The following SLC2A13 variants were observed in gnomAD, a reference collection of about 807,000 sequenced individuals.
SLC2A13 encodes solute carrier family 2 member 13, also known as proton myo-inositol cotransporter.
In SLC2A13, 32 loss-of-function variants were observed where a neutral mutation model predicts 64.4. The observed-to-expected ratio is 0.50, with a 90% confidence interval of 0.37 to 0.67. The LOEUF (loss-of-function observed/expected upper bound fraction) is 0.67. Ranked by LOEUF, SLC2A13 falls within the 30% of genes least tolerant of loss-of-function variation. SLC2A13 has a pLI of 0.00. For synonymous variants in SLC2A13, 338 were observed against 327.1 expected (o/e 1.03, Z -0.36); for missense variants, 743 against 829.2 (o/e 0.90, Z 1.28).
intron 3 of SLC2A13, among the ~76,000 whole-genome samples, chr12:39,964,926 T>C (rs1049162957): frequency 2.0e-5 from 3 of 152,188 alleles, no homozygotes; most frequent in African/African-American, 7.2e-5. Flanking sequence ...AAGGCTGATC[T>C]ACACATTAAG....
intron 4 of SLC2A13, among the ~76,000 whole-genome samples, chr12:39,902,892 C>A (rs1229256949): frequency 6.6e-6 from 1 of 152,044 alleles, no homozygotes; most frequent in Non-Finnish European, 1.5e-5. Context: ...GAAGTCATTA[C>A]CTTATTCCTT....
At chr12:39,832,918 T>C (rs777929440) in intron 6 of SLC2A13, among the ~76,000 whole-genome samples, 2 of 152,000 alleles carry the variant, frequency 1.3e-5, no homozygotes, top group Non-Finnish European at 2.9e-5. Flanking sequence ...AGCAGATGAG[T>C]AGCTCTTCTA....
chr12:39,765,128 A>G (rs1210129906), intron 7 of SLC2A13, among the ~76,000 whole-genome samples: 1 of 152,088 alleles, frequency 6.6e-6, no homozygotes, highest in African/African-American at 2.4e-5. Flanking sequence ...TAGTCCCTGG[A>G]AGCTGCAGTA....
chr12:39,786,122 G>C (rs188742905), intron 7 of SLC2A13, among the ~76,000 whole-genome samples: 1 of 152,226 alleles, frequency 6.6e-6, no homozygotes, highest in Admixed American at 6.5e-5. Flanking sequence ...GAGGGGCCAG[G>C]GGCGGAATGA....
intron 7 of SLC2A13, among the ~76,000 whole-genome samples, chr12:39,767,437 C>T (rs958354759): frequency 3.8e-4 from 57 of 151,822 alleles, no homozygotes; most frequent in African/African-American, 1.4e-3. Flanking sequence ...TTTAGCCCTT[C>T]TTAAGGGCTC....
At chr12:39,994,892 T>C (rs950187680) in intron 3 of SLC2A13, among the ~76,000 whole-genome samples, 3 of 152,226 alleles carry the variant, frequency 2.0e-5, no homozygotes, top group Non-Finnish European at 4.4e-5. Context: ...ACAATTTTCT[T>C]ATCTATAAAA....
chr12:39,978,835 C>A (rs1489097617), intron 3 of SLC2A13, among the ~76,000 whole-genome samples: 2 of 151,826 alleles, frequency 1.3e-5, no homozygotes, highest in South Asian at 4.2e-4. Context: ...CTCAAGGAGG[C>A]CTGCCTGCCT....
At chr12:39,926,840 C>A (rs1439502728) in intron 4 of SLC2A13, among the ~76,000 whole-genome samples, 1 of 152,136 alleles carries the variant, frequency 6.6e-6, no homozygotes, top group African/African-American at 2.4e-5. Flanking sequence ...GTCTTGAACT[C>A]CTGGGCTCAA....
At chr12:39,969,765 T>G (rs1420220044) in intron 3 of SLC2A13, among the ~76,000 whole-genome samples, 1 of 152,236 alleles carries the variant, frequency 6.6e-6, no homozygotes, top group African/African-American at 2.4e-5. Context: ...TTCACTCTGA[T>G]GGTAGTTTCT....
At chr12:40,047,719 T>C (rs10878035) in intron 2 of SLC2A13, among the ~76,000 whole-genome samples, 15,991 of 152,252 alleles carry the variant, frequency 0.11, 923 homozygotes, top group African/African-American at 0.14. Flanking sequence ...AAACAGCTTG[T>C]CAATCATTGT....
intron 7 of SLC2A13, among the ~76,000 whole-genome samples, chr12:39,766,188 T>A (rs559546267): frequency 6.6e-6 from 1 of 152,182 alleles, no homozygotes; most frequent in South Asian, 2.1e-4. Flanking sequence ...GGATTATCCT[T>A]TCAGTATTCG....
At chr12:40,041,845 A>G (rs1948095199) in intron 2 of SLC2A13, among the ~76,000 whole-genome samples, 3 of 152,242 alleles carry the variant, frequency 2.0e-5, no homozygotes, top group Admixed American at 1.3e-4. Flanking sequence ...TGCTAAAAAA[A>G]TAATAAATTC....
intron 7 of SLC2A13, among the ~76,000 whole-genome samples, chr12:39,821,001 T>A (rs1942489891): frequency 6.6e-6 from 1 of 151,968 alleles, no homozygotes; most frequent in African/African-American, 2.4e-5. Flanking sequence ...AACTTCTACT[T>A]CCTACTGCAC....
chr12:39,877,503 G>GT (rs1362804156), intron 4 of SLC2A13, among the ~76,000 whole-genome samples: 1 of 152,140 alleles, frequency 6.6e-6, no homozygotes, highest in Non-Finnish European at 1.5e-5. Flanking sequence ...CAGCCAAACC[G>GT]TATCAATAAC....
intron 4 of SLC2A13, among the ~76,000 whole-genome samples, chr12:39,903,457 C>G (rs1393075861): frequency 1.3e-5 from 2 of 152,070 alleles, no homozygotes; most frequent in Non-Finnish European, 2.9e-5. Context: ...CCCCCAGTAT[C>G]TCTTTACTCA....
At chr12:39,815,216 G>A (rs1942306752) in intron 7 of SLC2A13, among the ~76,000 whole-genome samples, 1 of 152,132 alleles carries the variant, frequency 6.6e-6, no homozygotes, top group African/African-American at 2.4e-5. Context: ...CTTTCTGAAA[G>A]AAACTTCCTG....
chr12:39,820,717 TTATATATATATATA>T (rs11272834), intron 7 of SLC2A13, among the ~76,000 whole-genome samples: 187 of 132,520 alleles, frequency 1.4e-3, no homozygotes, highest in Non-Finnish European at 2.2e-3. Context: ...ATTTTTAAAT[TTATATATATATATA>T]TATATATATA....
At chr12:40,062,808 T>C (rs1481652854) in intron 1 of SLC2A13, among the ~76,000 whole-genome samples, 1 of 152,124 alleles carries the variant, frequency 6.6e-6, no homozygotes, top group Non-Finnish European at 1.5e-5. Flanking sequence ...GAGGAAAGTG[T>C]TCCTTTTGAA....
intron 1 of SLC2A13, among the ~76,000 whole-genome samples, chr12:40,061,235 A>G (rs1487046058): frequency 6.6e-6 from 1 of 152,136 alleles, no homozygotes; most frequent in Admixed American, 6.6e-5. Context: ...TGGTAGATCT[A>G]ATACATATAA....
Sources: gnomAD v4.1 joint callset for allele counts (sites outside exome capture counted in the v4.1 genomes callset) on GRCh38, gnomAD v4.1.1 for gene constraint, MANE v1.5 for transcripts, NCBI Gene and HGNC (gene_info 2026-07-23, HGNC 2026-07-21) for gene names.